ABCD2: variants seen among roughly 807,000 people sequenced by gnomAD.
The protein encoded by ABCD2 is ATP binding cassette subfamily D member 2.
A neutral mutation model predicts 70.9 loss-of-function variants in ABCD2; 36 were observed. The observed-to-expected ratio is 0.51, with a 90% CI of 0.39 to 0.67. The LOEUF (loss-of-function observed/expected upper bound fraction) is 0.67, where lower values mean the gene tolerates loss of function less well. ABCD2 is among the 30% of genes least tolerant of loss of function. ABCD2 has a pLI of 0.00. For missense variants in ABCD2, 729 were observed against 890.2 expected, an observed-to-expected ratio of 0.82 and a Z score of 2.30; for synonymous variants, 304 against 306.9, an observed-to-expected ratio of 0.99 and a Z score of 0.10.
intron 9 of ABCD2, among the ~76,000 whole-genome samples, chr12:39,570,440 T>C (rs1941431348): frequency 6.6e-6 from 1 of 152,168 alleles, no homozygotes; most frequent in Admixed American, 6.5e-5. Flanking sequence ...CTTGTATTTA[T>C]AGTCAACTGA....
the ABCD2 span, among the ~76,000 whole-genome samples, chr12:39,531,662 C>A: frequency 6.6e-6 from 1 of 152,184 alleles, no homozygotes; most frequent in African/African-American, 2.4e-5. Context: ...TCTCTTTGAT[C>A]AGATTATTAA....
chr12:39,604,673 T>C (rs561884841), intron 4 of ABCD2, 89 bp downstream of exon 4: 2 of 1,042,250 alleles, frequency 1.9e-6, no homozygotes, highest in African/African-American at 3.2e-5. Context: ...GTTGGTACTT[T>C]GTAACTACTA....
chr12:39,612,146 CT>C (rs1362858538), intron 2 of ABCD2, among the ~76,000 whole-genome samples: 1 of 152,052 alleles, frequency 6.6e-6, no homozygotes, highest in African/African-American at 2.4e-5. Flanking sequence ...ATTGAAAGAA[CT>C]TTTTTTGGAA....
Position 39,595,400 on chromosome 12 carries a change from C to T in ABCD2, c.1646+5171G>A, listed in dbSNP as rs192839880. 4.1e-4 allele frequency among the ~76,000 whole-genome samples: 62 copies of T among 152,142 alleles called. 1 individual carries two copies. Among genetic ancestry groups the T allele is most frequent in the Admixed American group, 2.6e-4 (4 of 15,288 alleles). On this transcript the variant is annotated intron_variant, in intron 6 of 9. Transcript: ENST00000308666. ...GTCCCTTTGAAATTCAATTTAATTACTTAAAAATACTCTATTTAGCATAAC... is the reference window on the plus strand; with the variant it reads ...GTCCCTTTGAAATTCAATTTAATTATTTAAAAATACTCTATTTAGCATAAC...
At chr12:39,564,781 G>T (rs1366016337) in intron 9 of ABCD2, among the ~76,000 whole-genome samples, 7 of 152,120 alleles carry the variant, frequency 4.6e-5, no homozygotes, top group East Asian at 1.9e-4. Context: ...TTTAAGTCTT[G>T]AATCCATCTT....
intron 9 of ABCD2, among the ~76,000 whole-genome samples, chr12:39,555,635 G>A (rs1033613178): frequency 8.5e-5 from 13 of 152,130 alleles, no homozygotes; most frequent in Admixed American, 8.5e-4. Context: ...ATAAGAGTTT[G>A]CATTGGAACA....
rs1209588041 is a variant in ABCD2 at position 39,550,943 on chromosome 12, T to C, written c.*2969A>G. 1 of 151,770 alleles carries C rather than the reference T, an allele frequency of 6.6e-6. No individual in the cohort carries two copies. The highest frequency in any genetic ancestry group is 1.9e-4 in the East Asian group (1 of 5,200). The allele number at this position is 151,770 out of a possible 1,614,324, so 9.4% of individuals were successfully genotyped here. On this transcript the variant is annotated 3_prime_UTR_variant, in exon 10 of 10. Coordinates refer to ENST00000308666, the MANE Select transcript of ABCD2 (RefSeq NM_005164.4). ...CTATTGCCAAATATGAAACTATACT[T>C]GGAACCAATGTTTCAAATAAAAACT...
At chr12:39,572,232 C>A (rs1305639638) in intron 9 of ABCD2, among the ~76,000 whole-genome samples, 1 of 152,136 alleles carries the variant, frequency 6.6e-6, no homozygotes, top group Non-Finnish European at 1.5e-5. Flanking sequence ...TCCATTAACA[C>A]AGGTCAGAAA....
chr12:39,566,590 T>G (rs1941352447), intron 9 of ABCD2, among the ~76,000 whole-genome samples: 1 of 152,216 alleles, frequency 6.6e-6, no homozygotes, highest in Non-Finnish European at 1.5e-5. Context: ...GCTCCTGGAT[T>G]CATTGATTTT....
Position 39,586,261 on chromosome 12 carries a change from G to C in ABCD2, c.1683C>G (p.Val561=). 22 of 1,613,358 alleles carry C rather than the reference G, an allele frequency of 1.4e-5. No homozygotes were observed. Among genetic ancestry groups the C allele is most frequent in the Non-Finnish European group, 1.9e-5 (22 of 1,179,618 alleles). Residue 561 remains valine (V), a synonymous_variant, in exon 7 of 10, where the codon GTC becomes GTG. Coordinates refer to ENST00000308666, the MANE Select transcript of ABCD2 (RefSeq NM_005164.4). The part of the protein sequence containing the change: ...YMSLGSLRDQ[V]IYPDSVDDMH... ...TATCATCCACTGAATCAGGGTAAAT[G>C]ACTTGATCCCGAAGACTTCCAAGAG...
At chr12:39,531,597 C>T in the ABCD2 span, among the ~76,000 whole-genome samples, 7 of 152,190 alleles carry the variant, frequency 4.6e-5, no homozygotes, top group African/African-American at 9.6e-5. Flanking sequence ...CTGGACTTCA[C>T]GGATCAGTAA....
chr12:39,546,685 A>G (rs1208467201), downstream of ABCD2, among the ~76,000 whole-genome samples: 1 of 152,172 alleles, frequency 6.6e-6, no homozygotes, highest in Non-Finnish European at 1.5e-5. Flanking sequence ...AAGGTAGCAT[A>G]TGATAAATGT....
At chr12:39,579,911 A>G (rs536190175) in intron 7 of ABCD2, among the ~76,000 whole-genome samples, 5 of 152,312 alleles carry the variant, frequency 3.3e-5, no homozygotes, top group African/African-American at 9.6e-5. Flanking sequence ...GTGGGTTGAT[A>G]GGCTTATACT....
At chr12:39,575,722 A>C (rs749933635) in intron 8 of ABCD2, among the ~76,000 whole-genome samples, 4 of 152,230 alleles carry the variant, frequency 2.6e-5, no homozygotes, top group Non-Finnish European at 5.9e-5. Flanking sequence ...CTTTCTCTTC[A>C]CTAGATTGAA....
intron 9 of ABCD2, among the ~76,000 whole-genome samples, chr12:39,560,207 G>C (rs1941234873): frequency 6.6e-6 from 1 of 152,070 alleles, no homozygotes; most frequent in Admixed American, 6.6e-5. Context: ...TCCCCTTCCT[G>C]TGTCCAAGTG....
intron 9 of ABCD2, among the ~76,000 whole-genome samples, chr12:39,568,954 C>T (rs564304803): frequency 9.2e-5 from 14 of 152,330 alleles, no homozygotes; most frequent in African/African-American, 2.9e-4. Context: ...TATTCCTGAA[C>T]AGCCAATGTT....
intron 6 of ABCD2, among the ~76,000 whole-genome samples, chr12:39,598,020 A>G (rs1374325785): frequency 6.6e-6 from 1 of 152,214 alleles, no homozygotes; most frequent in African/African-American, 2.4e-5. Flanking sequence ...GAACTGAGCT[A>G]TAGCAGCATT....
intron 8 of ABCD2, among the ~76,000 whole-genome samples, chr12:39,577,772 A>G (rs2120608666): frequency 6.6e-6 from 1 of 152,312 alleles, no homozygotes; most frequent in Non-Finnish European, 1.5e-5. Context: ...GTATTTAGGG[A>G]AAAATATCAT....
intron 6 of ABCD2, among the ~76,000 whole-genome samples, chr12:39,598,076 AT>A (rs1291292911): frequency 1.3e-5 from 2 of 152,222 alleles, no homozygotes; most frequent in Non-Finnish European, 2.9e-5. Flanking sequence ...AATATAGTTA[AT>A]TATAATTTTT....
Sources: allele counts gnomAD v4.1 joint callset (sites outside exome capture counted in the v4.1 genomes callset), GRCh38; gene constraint gnomAD v4.1.1; transcripts MANE v1.5; gene names NCBI Gene and HGNC (gene_info 2026-07-23, HGNC 2026-07-21).